MYT1L: variants seen among roughly 807,000 people sequenced by gnomAD.
The protein encoded by MYT1L is myelin transcription factor 1-like protein.
Under a neutral mutation model 126.7 loss-of-function variants are expected in MYT1L, and 12 were observed. The ratio of observed to expected loss-of-function variants is 0.09; its 90% CI spans 0.06 to 0.15. The LOEUF is 0.15. Ranked by LOEUF, MYT1L falls within the 10% of genes least tolerant of loss-of-function variation. The probability of loss-of-function intolerance (pLI) is 1.00; values close to 1 mark genes in which losing one functional copy is unlikely to be tolerated. For synonymous variants in MYT1L, 541 were observed against 604.2 expected (o/e 0.90, Z 1.53); for missense variants, 979 against 1,585.2 (o/e 0.62, Z 6.49).
At chr2:2,201,979 A>G (rs60276756) in intron 2 of MYT1L, among the ~76,000 whole-genome samples, 26,348 of 152,090 alleles carry the variant, frequency 0.17, 2,458 homozygotes, top group African/African-American at 0.26. Flanking sequence ...ACTCAAAACC[A>G]CTCAATTACA....
Position 2,121,417 on chromosome 2 carries a change from C to T in MYT1L, c.-304+51455G>A, listed in dbSNP as rs1416132417. Among the ~76,000 whole-genome samples the T allele has an allele frequency of 5.9e-5, 9 of 152,114 alleles. No individual in the cohort carries two copies. In the East Asian group the frequency reaches 1.2e-3, roughly 20 times the overall value. On this transcript the variant is annotated intron_variant, in intron 3 of 24. Coordinates refer to ENST00000647738, the MANE Select transcript of MYT1L (RefSeq NM_001303052.2). ...GTCTTGGACTCCTGACATCGTGATC[C>T]GCCCGCCTAGGCCACCCAAGGTGCT...
chr2:2,094,226 C>T (rs1377447424), intron 3 of MYT1L, among the ~76,000 whole-genome samples: 2 of 152,154 alleles, frequency 1.3e-5, no homozygotes, highest in East Asian at 3.9e-4. Flanking sequence ...GAGATACTAT[C>T]TCACACCAGT....
At chr2:2,187,181 G>C (rs2092273711) in intron 2 of MYT1L, among the ~76,000 whole-genome samples, 1 of 152,018 alleles carries the variant, frequency 6.6e-6, no homozygotes, top group Non-Finnish European at 1.5e-5. Flanking sequence ...CTTCCACCGA[G>C]GCCTTTCCTA....
intron 3 of MYT1L, among the ~76,000 whole-genome samples, chr2:2,171,058 C>G (rs551215304): frequency 6.6e-6 from 1 of 152,172 alleles, no homozygotes; most frequent in South Asian, 2.1e-4. Context: ...TCTGCTCACC[C>G]GGGGCCTGGC....
At chr2:2,071,633 A>G (rs1178705944) in intron 3 of MYT1L, among the ~76,000 whole-genome samples, 1 of 152,250 alleles carries the variant, frequency 6.6e-6, no homozygotes, top group East Asian at 1.9e-4. Flanking sequence ...AGGAATAGCC[A>G]AAAATAAACT....
chr2:2,275,986 C>A (rs954558307), intron 2 of MYT1L, among the ~76,000 whole-genome samples: 3 of 152,250 alleles, frequency 2.0e-5, no homozygotes, highest in Non-Finnish European at 2.9e-5. Flanking sequence ...CTCTGCCTGA[C>A]AAACTACCCT....
At chr2:2,151,670 T>C (rs1017028490) in intron 3 of MYT1L, among the ~76,000 whole-genome samples, 1 of 152,216 alleles carries the variant, frequency 6.6e-6, no homozygotes, top group Non-Finnish European at 1.5e-5. Context: ...GTTTTTCCTA[T>C]ATATACATAC....
At chr2:2,185,817 G>T (rs1283499743) in intron 2 of MYT1L, among the ~76,000 whole-genome samples, 1 of 136,192 alleles carries the variant, frequency 7.3e-6, no homozygotes. Context: ...GGGCCTTCCC[G>T]AGTCCCGCGT....
chr2:2,328,444 A>G (rs2096264860), intron 1 of MYT1L, among the ~76,000 whole-genome samples: 1 of 152,210 alleles, frequency 6.6e-6, no homozygotes, highest in African/African-American at 2.4e-5. Context: ...AGCTTTTATA[A>G]CCCCGAAGAA....
intron 2 of MYT1L, among the ~76,000 whole-genome samples, chr2:2,239,905 T>A (rs1290966045): frequency 1.3e-5 from 2 of 152,190 alleles, no homozygotes; most frequent in Admixed American, 1.3e-4. Flanking sequence ...CTTGCACTCA[T>A]CTCTTTTTTC....
intron 2 of MYT1L, among the ~76,000 whole-genome samples, chr2:2,185,593 G>A (rs1197997665): frequency 6.8e-6 from 1 of 147,284 alleles, no homozygotes; most frequent in African/African-American, 2.6e-5. Context: ...ACGCAGCCAG[G>A]CCTTCCGGGC....
At chr2:2,108,153 G>A (rs929526491) in intron 3 of MYT1L, among the ~76,000 whole-genome samples, 6 of 152,252 alleles carry the variant, frequency 3.9e-5, no homozygotes, top group Middle Eastern at 3.4e-3. Context: ...TGCTGTGAAC[G>A]CCTCACCTGA....
At chr2:2,205,987 TC>T (rs202197911) in intron 2 of MYT1L, among the ~76,000 whole-genome samples, 1 of 143,030 alleles carries the variant, frequency 7.0e-6, no homozygotes, top group East Asian at 2.0e-4. Context: ...TTCTTTTCTT[TC>T]TTTTTTTTTT....
intron 3 of MYT1L, among the ~76,000 whole-genome samples, chr2:2,079,410 T>C (rs1303041832): frequency 8.5e-5 from 13 of 152,230 alleles, no homozygotes; most frequent in Non-Finnish European, 1.9e-4. Context: ...GTAGCAATAC[T>C]TCTCAAATTG....
intron 21 of MYT1L, among the ~76,000 whole-genome samples, chr2:1,826,583 T>A (rs13018045): frequency 6.6e-6 from 1 of 151,954 alleles, no homozygotes; most frequent in African/African-American, 2.4e-5. Context: ...TCCCTCCCAA[T>A]TGCTTCCCGT....
intron 3 of MYT1L, among the ~76,000 whole-genome samples, chr2:2,172,405 G>T (rs11683072): frequency 0.1 from 15,605 of 152,214 alleles, 776 homozygotes; most frequent in East Asian, 0.13. Context: ...CTGCCCTATA[G>T]AACTTCAGCA....
chr2:1,963,262 T>C (rs2059106835), intron 8 of MYT1L, among the ~76,000 whole-genome samples: 1 of 152,198 alleles, frequency 6.6e-6, no homozygotes, highest in Admixed American at 6.5e-5. Flanking sequence ...GGGAAGTAGG[T>C]CTCAACAGTG....
intron 2 of MYT1L, among the ~76,000 whole-genome samples, chr2:2,188,228 G>A (rs548166769): frequency 5.3e-5 from 8 of 152,228 alleles, no homozygotes; most frequent in African/African-American, 1.2e-4. Flanking sequence ...CAGTATTACC[G>A]AAAGTTAATG....
rs557366184 is a variant in MYT1L at position 2,004,579 on chromosome 2, G to A, written c.-157-7232C>T. Among the ~76,000 whole-genome samples, 173 of 147,194 alleles carry A rather than the reference G, an allele frequency of 1.2e-3. 1 individual carries two copies. Among genetic ancestry groups the A allele is most frequent in the Admixed American group, 4.7e-3 (70 of 14,812 alleles). ...CCTGCGTGCCTTCTCTTCTGCAGGC[G>A]TTCTTTCCTGCATGCGTTCTTTCCT... is the stretch of plus-strand genomic sequence containing the variant. On this transcript the variant is annotated intron_variant, in intron 4 of 24. Coordinates refer to ENST00000647738, the MANE Select transcript of MYT1L (RefSeq NM_001303052.2).
Sources: allele counts gnomAD v4.1 joint callset (sites outside exome capture counted in the v4.1 genomes callset), GRCh38; gene constraint gnomAD v4.1.1; transcripts MANE v1.5; gene names NCBI Gene and HGNC (gene_info 2026-07-23, HGNC 2026-07-21).